The following SUCLG2 variants were observed in gnomAD, a reference collection of about 807,000 sequenced individuals.
The protein encoded by SUCLG2 is succinate--CoA ligase [GDP-forming] subunit beta, mitochondrial.
A neutral mutation model predicts 47.9 loss-of-function variants in SUCLG2; 42 were observed. The observed-to-expected ratio is 0.88, with a 90% CI of 0.69 to 1.14. The LOEUF (loss-of-function observed/expected upper bound fraction) is 1.14. SUCLG2 is among the 50% of genes most tolerant of loss of function. SUCLG2 has a pLI of 0.00. For synonymous variants in SUCLG2, 195 were observed against 197.3 expected (o/e 0.99, Z 0.10); for missense variants, 571 against 525.9 (o/e 1.09, Z -0.84).
chr3:67,416,279 A>G (rs1470942301), intron 9 of SUCLG2, among the ~76,000 whole-genome samples: 1 of 152,226 alleles, frequency 6.6e-6, no homozygotes, highest in Non-Finnish European at 1.5e-5. Context: ...TATTTTTCAC[A>G]TTTAAATTAA....
chr3:67,383,453 T>A (rs1702200454), intron 10 of SUCLG2, among the ~76,000 whole-genome samples: 1 of 152,200 alleles, frequency 6.6e-6, no homozygotes, highest in Non-Finnish European at 1.5e-5. Context: ...TTTATGAAGA[T>A]TAAAGATGAC....
At chr3:67,589,652 G>C (rs1279673643) in intron 2 of SUCLG2, among the ~76,000 whole-genome samples, 3 of 152,230 alleles carry the variant, frequency 2.0e-5, no homozygotes, top group Non-Finnish European at 4.4e-5. Context: ...CTCTTTTCAA[G>C]ATGGGGCCTT....
intron 9 of SUCLG2, among the ~76,000 whole-genome samples, chr3:67,493,170 C>T (rs1405257642): frequency 6.6e-6 from 1 of 152,172 alleles, no homozygotes; most frequent in Non-Finnish European, 1.5e-5. Flanking sequence ...AGCCAGTTTG[C>T]TTGCAAAATC....
intron 9 of SUCLG2, among the ~76,000 whole-genome samples, chr3:67,469,439 A>AT (rs990380609): frequency 6.6e-5 from 10 of 152,022 alleles, no homozygotes; most frequent in African/African-American, 9.7e-5. Context: ...TTTTAAAATA[A>AT]TTTTTTTTGG....
At chr3:67,573,107 A>G (rs1707658934) in intron 2 of SUCLG2, among the ~76,000 whole-genome samples, 1 of 152,232 alleles carries the variant, frequency 6.6e-6, no homozygotes, top group African/African-American at 2.4e-5. Context: ...AATAAATTTA[A>G]CAAAAGAAAT....
chr3:67,413,399 A>G (rs1702970206), intron 9 of SUCLG2, among the ~76,000 whole-genome samples: 1 of 152,176 alleles, frequency 6.6e-6, no homozygotes, highest in Non-Finnish European at 1.5e-5. Context: ...AGTCTGTCTA[A>G]AGAAGGAACA....
intron 9 of SUCLG2, among the ~76,000 whole-genome samples, chr3:67,450,581 T>G (rs968380060): frequency 6.6e-6 from 1 of 152,254 alleles, no homozygotes; most frequent in Non-Finnish European, 1.5e-5. Context: ...GCCCATCATC[T>G]AGATACTATC....
At position 67,643,967 on chromosome 3, in the gene SUCLG2, G is replaced by A. The variant is rs189177434; in HGVS notation, c.84+10536C>T. 2.1e-3 allele frequency among the ~76,000 whole-genome samples: 321 copies of A among 152,288 alleles called. 1 individual carries two copies. Among genetic ancestry groups the A allele is most frequent in the Non-Finnish European group, 3.8e-3 (258 of 68,018 alleles). Reference sequence around the variant, plus strand: ...GCTGGGATTACAGGCGTGAGCCACCGCCTAATAGTGGGCCTAATAGTGGAC... The same window carrying A: ...GCTGGGATTACAGGCGTGAGCCACCACCTAATAGTGGGCCTAATAGTGGAC... On this transcript the variant is annotated intron_variant, in intron 1 of 10. Coordinates refer to ENST00000307227, the MANE Select transcript of SUCLG2 (RefSeq NM_003848.4).
chr3:67,648,095 T>G (rs575199710), intron 1 of SUCLG2, among the ~76,000 whole-genome samples: 1 of 152,356 alleles, frequency 6.6e-6, no homozygotes, highest in Admixed American at 6.5e-5. Context: ...AAATATCATC[T>G]TATTTAATCT....
chr3:67,399,564 C>G (rs535307468), intron 10 of SUCLG2, among the ~76,000 whole-genome samples: 1 of 152,196 alleles, frequency 6.6e-6, no homozygotes, highest in East Asian at 1.9e-4. Context: ...GTGAACTTGA[C>G]AGCTTCCTAC....
At chr3:67,586,492 T>C (rs1708022718) in intron 2 of SUCLG2, among the ~76,000 whole-genome samples, 1 of 152,248 alleles carries the variant, frequency 6.6e-6, no homozygotes, top group Non-Finnish European at 1.5e-5. Flanking sequence ...CAGAGTCTAA[T>C]GTGCCAATTT....
chr3:67,574,761 CAT>C (rs1707699746), intron 2 of SUCLG2, among the ~76,000 whole-genome samples: 1 of 152,122 alleles, frequency 6.6e-6, no homozygotes, highest in African/African-American at 2.4e-5. Context: ...CTACTAGAAA[CAT>C]GAAATGACAA....
At chr3:67,441,061 G>A (rs142241812) in intron 9 of SUCLG2, among the ~76,000 whole-genome samples, 4,402 of 152,280 alleles carry the variant, frequency 0.029, 215 homozygotes, top group African/African-American at 0.1. Flanking sequence ...AAAAGGATGA[G>A]TTCATGTCCT....
At chr3:67,385,587 G>A (rs982383761) in intron 10 of SUCLG2, among the ~76,000 whole-genome samples, 1 of 152,182 alleles carries the variant, frequency 6.6e-6, no homozygotes, top group African/African-American at 2.4e-5. Flanking sequence ...AGTGAGTCCA[G>A]GTCATCCTCT....
intron 2 of SUCLG2, among the ~76,000 whole-genome samples, chr3:67,559,047 G>C (rs894812322): frequency 7.9e-5 from 12 of 152,134 alleles, no homozygotes; most frequent in African/African-American, 2.7e-4. Context: ...TTTTATGTGG[G>C]AGCAAATAAT....
intron 9 of SUCLG2, among the ~76,000 whole-genome samples, chr3:67,436,745 A>G (rs1310393910): frequency 6.6e-6 from 1 of 152,164 alleles, no homozygotes; most frequent in Non-Finnish European, 1.5e-5. Flanking sequence ...ATTATAAGTG[A>G]TGTATGACCA....
chr3:67,575,612 A>T (rs1707722851), intron 2 of SUCLG2, among the ~76,000 whole-genome samples: 1 of 152,206 alleles, frequency 6.6e-6, no homozygotes, highest in South Asian at 2.1e-4. Flanking sequence ...TGGTTGTGGA[A>T]CTCAATGAAG....
At chr3:67,525,001 G>A (rs1284546540) in intron 4 of SUCLG2, among the ~76,000 whole-genome samples, 1 of 152,176 alleles carries the variant, frequency 6.6e-6, no homozygotes, top group African/African-American at 2.4e-5. Flanking sequence ...GAGCATGTTG[G>A]ACACTGAAAT....
chr3:67,409,163 T>C (rs1164961449), intron 9 of SUCLG2: 7 of 1,066,898 alleles, frequency 6.6e-6, no homozygotes, highest in Non-Finnish European at 9.2e-6. Flanking sequence ...GGTTTTGGCA[T>C]TTCCTAGTTA....
Sources: allele counts gnomAD v4.1 joint callset (sites outside exome capture counted in the v4.1 genomes callset), GRCh38; gene constraint gnomAD v4.1.1; transcripts MANE v1.5; gene names NCBI Gene and HGNC (gene_info 2026-07-23, HGNC 2026-07-21).